The following VPS53 variants were observed in gnomAD, a reference collection of about 807,000 sequenced individuals.
The protein encoded by VPS53 is VPS53 subunit of GARP complex, also known as vacuolar protein sorting-associated protein 53 homolog.
Under a neutral mutation model 107.0 loss-of-function variants are expected in VPS53, and 70 were observed. The ratio of observed to expected loss-of-function variants is 0.65; its 90% CI spans 0.54 to 0.80. The LOEUF is 0.80. Among genes scored for constraint, VPS53 ranks in the 30% least tolerant of loss-of-function variants. VPS53 has a pLI of 0.00. For missense variants in VPS53, 917 were observed against 1,049.4 expected, an observed-to-expected ratio of 0.87 and a Z score of 1.74; for synonymous variants, 409 against 393.3, an observed-to-expected ratio of 1.04 and a Z score of -0.47.
At position 706,884 on chromosome 17, in the gene VPS53, C is replaced by T. The variant is rs80250152; in HGVS notation, c.168+3649G>A. On this transcript the variant is annotated intron_variant, in intron 2 of 21. Transcript: ENST00000437048. ...ACCATCTCTTTCCAGTGATCTACTG[C>T]GTGAGTCTCCTGCCTGTAGTCTCTC... Among the ~76,000 whole-genome samples, 12 of 152,278 alleles carry T rather than the reference C, an allele frequency of 7.9e-5. No homozygotes were observed. The East Asian group carries it at 2.1e-3, about 27-fold the overall frequency.
At chr17:610,995 C>G (rs1452584050) in intron 11 of VPS53, among the ~76,000 whole-genome samples, 2 of 151,334 alleles carry the variant, frequency 1.3e-5, no homozygotes, top group Non-Finnish European at 1.5e-5. Flanking sequence ...ACTCTTACAA[C>G]TCAACAATAA....
chr17:523,754 T>C (rs1266930921), intron 19 of VPS53, among the ~76,000 whole-genome samples: 1 of 152,202 alleles, frequency 6.6e-6, no homozygotes, highest in African/African-American at 2.4e-5. Flanking sequence ...TTTCTGGATT[T>C]CTAGAGATAG....
At chr17:589,255 TACTG>T (rs1337416660) in intron 12 of VPS53, among the ~76,000 whole-genome samples, 5 of 151,964 alleles carry the variant, frequency 3.3e-5, no homozygotes, top group Non-Finnish European at 7.4e-5. Flanking sequence ...TATTCAGCTT[TACTG>T]ACTTACTAAT....
chr17:673,694 C>T (rs556038984), intron 4 of VPS53: 15 of 152,352 alleles, frequency 9.8e-5, no homozygotes, highest in Admixed American at 2.6e-4. Context: ...ACTTAGGAAC[C>T]TGGAGTATAA....
chr17:635,142 A>G (rs1970140003), intron 7 of VPS53, among the ~76,000 whole-genome samples: 1 of 152,124 alleles, frequency 6.6e-6, no homozygotes, highest in South Asian at 2.1e-4. Flanking sequence ...TTCTCTGATG[A>G]CCAGTGATGG....
At position 534,733 on chromosome 17, in the gene VPS53, C is replaced by T. The variant is rs555710194; in HGVS notation, c.2016-1822G>A. On this transcript the variant is annotated intron_variant, in intron 18 of 21. Transcript: ENST00000437048. The stretch of plus-strand genomic sequence containing the variant: ...AGGAGTTTGAGACCAGCCTGGGCAA[C>T]ATGGCAAAATCTCATCTCTACAAAA... 2.0e-5 allele frequency among the ~76,000 whole-genome samples: 3 copies of T among 152,196 alleles called. No individual in the cohort carries two copies. The South Asian group carries it at 6.2e-4, about 32-fold the overall frequency.
At chr17:683,591 G>A (rs933189997) in intron 4 of VPS53, among the ~76,000 whole-genome samples, 5 of 152,096 alleles carry the variant, frequency 3.3e-5, no homozygotes, top group Non-Finnish European at 5.9e-5. Flanking sequence ...TGAGATCTAT[G>A]TGAGGTGACA....
At chr17:562,781 A>C in intron 13 of VPS53, 36 bp from the exon 14 acceptor site, 1 of 1,587,434 alleles carries the variant, frequency 6.3e-7, no homozygotes, top group Non-Finnish European at 8.6e-7. Flanking sequence ...ATGTTATTTT[A>C]CTTCAAGAAA....
chr17:617,721 T>C (rs1213456542), intron 11 of VPS53, among the ~76,000 whole-genome samples: 1 of 149,164 alleles, frequency 6.7e-6, no homozygotes, highest in Non-Finnish European at 1.5e-5. Context: ...CCCGCTATTA[T>C]TTCCCAGGTA....
At position 697,714 on chromosome 17, in the gene VPS53, T is replaced by C. The variant is rs75533558; in HGVS notation, c.219-230A>G. 0.069 allele frequency among the ~76,000 whole-genome samples: 10,447 copies of C among 152,236 alleles called. 522 individuals are homozygous for C. Among genetic ancestry groups the C allele is most frequent in the Non-Finnish European group, 0.11 (7,364 of 68,016 alleles). ...TCGCCTTGTTGTTAAAAATGCCTATTTTCACTTAATAGTCAGAGCTATCTG... is the reference window on the plus strand; with the variant it reads ...TCGCCTTGTTGTTAAAAATGCCTATCTTCACTTAATAGTCAGAGCTATCTG... On this transcript the variant is annotated intron_variant, in intron 3 of 21. Coordinates refer to ENST00000437048, the MANE Select transcript of VPS53 (RefSeq NM_001128159.3).
chr17:559,781 C>T (rs913785577), intron 15 of VPS53, among the ~76,000 whole-genome samples: 2 of 152,214 alleles, frequency 1.3e-5, no homozygotes, highest in African/African-American at 2.4e-5. Flanking sequence ...TCAGGGGAAT[C>T]CCAGACCAAG....
At chr17:611,596 G>A (rs1180720610) in intron 11 of VPS53, among the ~76,000 whole-genome samples, 2 of 152,196 alleles carry the variant, frequency 1.3e-5, no homozygotes, top group East Asian at 1.9e-4. Context: ...ATTCTCACAA[G>A]AATAGGAAAC....
At chr17:640,260 T>C (rs1372133363) in intron 7 of VPS53, among the ~76,000 whole-genome samples, 1 of 152,160 alleles carries the variant, frequency 6.6e-6, no homozygotes, top group Non-Finnish European at 1.5e-5. Context: ...AGTGCAGTAT[T>C]AGGGTGGGAG....
At chr17:638,218 TGA>T (rs1485359567) in intron 7 of VPS53, among the ~76,000 whole-genome samples, 3 of 152,228 alleles carry the variant, frequency 2.0e-5, no homozygotes, top group Non-Finnish European at 4.4e-5. Flanking sequence ...GTCTCTTTTA[TGA>T]GAGACTAGGA....
chr17:571,154 A>G (rs441821), intron 13 of VPS53, among the ~76,000 whole-genome samples: 73,708 of 150,512 alleles, frequency 0.49, 19,128 homozygotes, highest in African/African-American at 0.66. Context: ...CTCTACAAAA[A>G]AACAAAAATT....
chr17:555,362 C>T (rs1912234095), intron 15 of VPS53, among the ~76,000 whole-genome samples: 1 of 152,244 alleles, frequency 6.6e-6, no homozygotes, highest in Non-Finnish European at 1.5e-5. Flanking sequence ...CGCACCCCCA[C>T]TTTCTAAGCC....
intron 4 of VPS53, among the ~76,000 whole-genome samples, chr17:694,299 T>C (rs1188571328): frequency 3.3e-5 from 5 of 152,226 alleles, no homozygotes; most frequent in African/African-American, 1.2e-4. Context: ...ACCTGTAACC[T>C]ATTAATACGG....
intron 11 of VPS53, among the ~76,000 whole-genome samples, chr17:613,562 ACAG>A (rs1968996823): frequency 6.6e-6 from 1 of 150,422 alleles, no homozygotes; most frequent in Non-Finnish European, 1.5e-5. Context: ...ACAGATATTC[ACAG>A]CAGTATTCAA....
In VPS53 at chr17:520,511, C is replaced by T. The variant is rs961126064; in HGVS notation, c.2224-581G>A. 6.6e-6 allele frequency among the ~76,000 whole-genome samples: 1 copy of T among 152,156 alleles called. No individual in the cohort carries two copies. Among genetic ancestry groups the T allele is most frequent in the Non-Finnish European group, 1.5e-5 (1 of 68,018 alleles). On this transcript the variant is annotated intron_variant, in intron 20 of 21. Coordinates refer to ENST00000437048, the MANE Select transcript of VPS53 (RefSeq NM_001128159.3). The surrounding 1 kb of genome is among the most constrained non-coding windows in gnomAD (Gnocchi z 4.4). Reference sequence around the variant, plus strand: ...ACTTAAAATCTGTAACTTCATGTAACGACTAACTTAAACTATCAATTAACA... The same window carrying T: ...ACTTAAAATCTGTAACTTCATGTAATGACTAACTTAAACTATCAATTAACA...
Sources: allele counts gnomAD v4.1 joint callset (sites outside exome capture counted in the v4.1 genomes callset), GRCh38; gene constraint gnomAD v4.1.1; non-coding constraint Gnocchi (gnomAD v3.1); transcripts MANE v1.5; gene names NCBI Gene and HGNC (gene_info 2026-07-23, HGNC 2026-07-21).